The following RAB3IP variants were observed in gnomAD, a reference collection of about 807,000 sequenced individuals.
RAB3IP encodes rab-3A-interacting protein.
A neutral mutation model predicts 59.1 loss-of-function variants in RAB3IP; 36 were observed. The ratio of observed to expected loss-of-function variants is 0.61; its 90% CI spans 0.47 to 0.80. RAB3IP has a LOEUF of 0.80. Ranked by LOEUF, RAB3IP falls within the 30% of genes least tolerant of loss-of-function variation. RAB3IP has a pLI of 0.00. For synonymous variants in RAB3IP, 207 were observed against 191.2 expected (o/e 1.08, Z -0.68); for missense variants, 511 against 536.0 (o/e 0.95, Z 0.46).
chr12:69,800,678 G>A (rs545070161), intron 7 of RAB3IP, among the ~76,000 whole-genome samples: 1 of 152,218 alleles, frequency 6.6e-6, no homozygotes, highest in South Asian at 2.1e-4. Context: ...GGCATTTGTT[G>A]TGTCTATCTG....
At chr12:69,807,204 G>A (rs1472564222) in intron 8 of RAB3IP, among the ~76,000 whole-genome samples, 152 of 141,956 alleles carry the variant, frequency 1.1e-3, no homozygotes, top group African/African-American at 3.9e-3. Flanking sequence ...GACAGTGGGC[G>A]GCCAGGCAGA....
intron 3 of RAB3IP, among the ~76,000 whole-genome samples, chr12:69,758,350 T>C (rs1870559113): frequency 6.6e-6 from 1 of 152,212 alleles, no homozygotes; most frequent in African/African-American, 2.4e-5. Context: ...TTTACCATCT[T>C]ACTGTTTGTT....
rs58884415 is a variant in RAB3IP, at chr12:69,818,065, A to ATG, written c.*2619_*2620insTG. ...CGATTGGTGAAAATGAAGAAACACA[A>ATG]AGTCAAGTTTTGGAGAGGGTTTTAG... On this transcript the variant is annotated 3_prime_UTR_variant, in exon 11 of 11. Coordinates refer to ENST00000247833, the MANE Select transcript of RAB3IP (RefSeq NM_022456.5). 1.3e-5 allele frequency: 2 copies of ATG among 151,422 alleles called. No individual in the cohort carries two copies. Among genetic ancestry groups the ATG allele is most frequent in the African/African-American group, 4.9e-5 (2 of 41,190 alleles). 9.4% of individuals were successfully genotyped at this position (151,422 alleles called of 1,614,324 possible).
chr12:69,789,896 A>G (rs571835426), intron 4 of RAB3IP, among the ~76,000 whole-genome samples: 14 of 152,188 alleles, frequency 9.2e-5, no homozygotes, highest in Non-Finnish European at 1.8e-4. Context: ...ATTTATGCTA[A>G]AACTCTCAAC....
At chr12:69,791,900 T>C (rs1351050980) in intron 4 of RAB3IP, among the ~76,000 whole-genome samples, 1 of 152,216 alleles carries the variant, frequency 6.6e-6, no homozygotes, top group African/African-American at 2.4e-5. Context: ...AGCAAAGTTA[T>C]GGAAACAAGT....
intron 4 of RAB3IP, among the ~76,000 whole-genome samples, chr12:69,790,863 C>T (rs995583517): frequency 2.6e-5 from 4 of 152,122 alleles, no homozygotes; most frequent in Admixed American, 6.5e-5. Context: ...GGATTACAGG[C>T]GTGAGCCACT....
chr12:69,752,734 GAAGA>G (rs1869543057), intron 1 of RAB3IP, among the ~76,000 whole-genome samples: 1 of 152,182 alleles, frequency 6.6e-6, no homozygotes, highest in Admixed American at 6.5e-5. Context: ...ATATGGGATA[GAAGA>G]AAGAATCATA....
chr12:69,766,905 T>C (rs1247740126), intron 3 of RAB3IP, among the ~76,000 whole-genome samples: 1 of 152,242 alleles, frequency 6.6e-6, no homozygotes, highest in Non-Finnish European at 1.5e-5. Context: ...TCTATGTTGA[T>C]TGTCAACTCT....
At chr12:69,763,566 C>T (rs1317757979) in intron 3 of RAB3IP, among the ~76,000 whole-genome samples, 1 of 152,122 alleles carries the variant, frequency 6.6e-6, no homozygotes, top group Non-Finnish European at 1.5e-5. Context: ...TATTATAATT[C>T]TTTGAAAATG....
At chr12:69,801,371 A>AATC (rs1878347005) in intron 7 of RAB3IP, among the ~76,000 whole-genome samples, 1 of 152,218 alleles carries the variant, frequency 6.6e-6, no homozygotes, top group South Asian at 2.1e-4. Flanking sequence ...TGATGCCTTG[A>AATC]ATCCTCGTCC....
Position 69,818,466 on chromosome 12 carries a change from T to C in RAB3IP, c.*3020T>C, listed in dbSNP as rs1369394336. The C allele has an allele frequency of 6.6e-6, 1 of 150,888 alleles. No homozygotes were observed. 9.3% of individuals were successfully genotyped at this position (150,888 alleles called of 1,614,324 possible). A position where few individuals can be genotyped will look rare whatever the true frequency, so the allele number is the denominator to read the frequency against. On this transcript the variant is annotated 3_prime_UTR_variant, in exon 11 of 11. Transcript: ENST00000247833. Reference sequence around the variant, plus strand: ...TCATACCTTAAAAAAAAAAAAAAAGTATACCCATGGGTCAGCAATTTCACT... The same window carrying C: ...TCATACCTTAAAAAAAAAAAAAAAGCATACCCATGGGTCAGCAATTTCACT...
intron 8 of RAB3IP, among the ~76,000 whole-genome samples, chr12:69,808,539 A>G (rs1163469321): frequency 6.6e-6 from 1 of 152,168 alleles, no homozygotes; most frequent in Non-Finnish European, 1.5e-5. Context: ...TGGGAGTCTA[A>G]GTCTCTTTGT....
In RAB3IP at chr12:69,819,208, CAAAAA is replaced by C. The variant is rs745946385; in HGVS notation, c.*3764_*3768del. On this transcript the variant is annotated 3_prime_UTR_variant, in exon 11 of 11. Transcript: ENST00000247833. ...AGTTATATGTGCCTTCATTCCAAAA[CAAAAA>C]ATAAAAGGTAAGAAAATTGTTGAAT... 2 of 151,910 alleles carry C rather than the reference CAAAAA, an allele frequency of 1.3e-5. No homozygotes were observed. Among genetic ancestry groups the C allele is most frequent in the African/African-American group, 4.8e-5 (2 of 41,362 alleles). 9.4% of individuals were successfully genotyped at this position (151,910 alleles called of 1,614,324 possible).
intron 1 of RAB3IP, among the ~76,000 whole-genome samples, chr12:69,752,417 G>A (rs1230326346): frequency 6.6e-6 from 1 of 151,042 alleles, no homozygotes; most frequent in Non-Finnish European, 1.5e-5. Context: ...GTATATCTTC[G>A]ATGTCACTTC....
At chr12:69,771,506 GAC>G (rs779286804) in intron 3 of RAB3IP, among the ~76,000 whole-genome samples, 2 of 149,900 alleles carry the variant, frequency 1.3e-5, no homozygotes, top group Non-Finnish European at 3.0e-5. Flanking sequence ...CAGCCTGGGT[GAC>G]AGAGTGAGAC....
Position 69,756,480 on chromosome 12 carries a change from G to C in RAB3IP, c.327G>C (p.Lys109Asn). The C allele has an allele frequency of 6.2e-7, 1 of 1,614,072 alleles. No homozygotes were observed. The highest frequency in any genetic ancestry group is 8.5e-7 in the Non-Finnish European group (1 of 1,179,982). The change falls in exon 3 of 11, where the codon AAG (lysine) becomes AAC (asparagine). Residue 109 changes from lysine to asparagine, a missense_variant. Transcript: ENST00000247833. ...TAGLTKLTTRKDNYNAEREFL... is the reference protein window; with the variant it reads ...TAGLTKLTTRNDNYNAEREFL... ...GATTAACTAAATTAACTACAAGAAAGGACAACTATAATGCAGAGAGAGAGT... is the reference window on the plus strand; with the variant it reads ...GATTAACTAAATTAACTACAAGAAACGACAACTATAATGCAGAGAGAGAGT...
At chr12:69,795,731 T>G (rs1877336372) in intron 6 of RAB3IP, 1 of 274,776 alleles carries the variant, frequency 3.6e-6, no homozygotes, top group South Asian at 1.5e-4. Flanking sequence ...ATCAATACAT[T>G]GCTTTTATTT....
At chr12:69,787,960 A>C (rs1340433448) in intron 4 of RAB3IP, among the ~76,000 whole-genome samples, 2 of 152,178 alleles carry the variant, frequency 1.3e-5, no homozygotes, top group African/African-American at 2.4e-5. Context: ...AAAACAATAA[A>C]AATGCTTTAA....
Position 69,820,810 on chromosome 12 carries a change from A to G in RAB3IP, c.*5364A>G, listed in dbSNP as rs1247391431. ...GAGGCAGAGGTTGTGGTGAGTTGAC[A>G]TCACGCCATTGCACTCCAGCCTGGG... is the stretch of plus-strand genomic sequence containing the variant. On this transcript the variant is annotated 3_prime_UTR_variant, in exon 11 of 11. Transcript: ENST00000247833. 1 of 148,352 alleles carries G rather than the reference A, an allele frequency of 6.7e-6. No individual in the cohort carries two copies. Among genetic ancestry groups the G allele is most frequent in the African/African-American group, 2.5e-5 (1 of 39,894 alleles). 9.2% of individuals were successfully genotyped at this position (148,352 alleles called of 1,614,324 possible).
Sources: allele counts gnomAD v4.1 joint callset (sites outside exome capture counted in the v4.1 genomes callset), GRCh38; gene constraint gnomAD v4.1.1; transcripts MANE v1.5; gene names NCBI Gene and HGNC (gene_info 2026-07-23, HGNC 2026-07-21).